Variants in CCDC7 observed in about 807,000 individuals in gnomAD.
The protein encoded by CCDC7 is coiled-coil domain-containing protein 7.
Under a neutral mutation model 196.9 loss-of-function variants are expected in CCDC7, and 183 were observed. The ratio of observed to expected loss-of-function variants is 0.93; its 90% CI spans 0.82 to 1.05. The LOEUF is 1.05. Ranked by LOEUF, CCDC7 falls within the 50% of genes least tolerant of loss-of-function variation. CCDC7 has a pLI of 0.00. For missense variants in CCDC7, 1,540 were observed against 1,482.2 expected (o/e 1.04, Z -0.64); for synonymous variants, 525 against 484.6 (o/e 1.08, Z -1.10).
At chr10:32,636,975 G>A (rs1478566891) in intron 20 of CCDC7, among the ~76,000 whole-genome samples, 1 of 152,074 alleles carries the variant, frequency 6.6e-6, no homozygotes, top group African/African-American at 2.4e-5. Flanking sequence ...TTCTCTGATG[G>A]CCAGTGATGA....
intron 9 of CCDC7, chr10:32,514,417 T>C (rs958012501): frequency 1.3e-5 from 2 of 152,198 alleles, no homozygotes; most frequent in African/African-American, 4.8e-5. Flanking sequence ...AGACAGAGAC[T>C]GGATTTATTC....
intron 9 of CCDC7, chr10:32,511,636 C>A: frequency 6.3e-7 from 1 of 1,580,530 alleles, no homozygotes; most frequent in Non-Finnish European, 8.7e-7. Flanking sequence ...AAACAGACAT[C>A]GTGGTCTTCA....
At chr10:32,557,121 A>T (rs955553332) in intron 13 of CCDC7, among the ~76,000 whole-genome samples, 1 of 152,188 alleles carries the variant, frequency 6.6e-6, no homozygotes, top group African/African-American at 2.4e-5. Flanking sequence ...TTGTTTCTTA[A>T]AATAACTTTG....
At chr10:32,597,380 T>G (rs1039475898) in intron 18 of CCDC7, among the ~76,000 whole-genome samples, 1 of 152,234 alleles carries the variant, frequency 6.6e-6, no homozygotes, top group Non-Finnish European at 1.5e-5. Flanking sequence ...TCAAGTCATT[T>G]AAGGACTTCT....
intron 21 of CCDC7, among the ~76,000 whole-genome samples, chr10:32,672,064 G>T (rs531925890): frequency 6.6e-6 from 1 of 152,242 alleles, no homozygotes; most frequent in East Asian, 1.9e-4. Context: ...TTGATTAGTG[G>T]TGCCAATGGA....
At chr10:32,654,485 ATTTG>A (rs1247088982) in intron 20 of CCDC7, among the ~76,000 whole-genome samples, 8 of 152,008 alleles carry the variant, frequency 5.3e-5, no homozygotes, top group Non-Finnish European at 1.0e-4. Flanking sequence ...TGTTTTTGTT[ATTTG>A]TTTGATTAGT....
intron 9 of CCDC7, among the ~76,000 whole-genome samples, chr10:32,495,276 G>T (rs2042740468): frequency 6.6e-6 from 1 of 152,154 alleles, no homozygotes; most frequent in Non-Finnish European, 1.5e-5. Flanking sequence ...ATTCTTTGTA[G>T]ATTCTGGATA....
At chr10:32,799,964 A>T (rs1007310508) in intron 29 of CCDC7, among the ~76,000 whole-genome samples, 3 of 152,232 alleles carry the variant, frequency 2.0e-5, no homozygotes, top group African/African-American at 7.2e-5. Flanking sequence ...GGTGGGCCTT[A>T]TGGACAGGAA....
At chr10:32,717,295 G>T (rs942224614) in intron 25 of CCDC7, among the ~76,000 whole-genome samples, 2 of 152,102 alleles carry the variant, frequency 1.3e-5, no homozygotes, top group Non-Finnish European at 2.9e-5. Flanking sequence ...GGTAAATAAC[G>T]AAATGAAGGC....
intron 20 of CCDC7, among the ~76,000 whole-genome samples, chr10:32,658,178 G>T (rs1055811471): frequency 2.0e-5 from 3 of 152,156 alleles, no homozygotes; most frequent in Admixed American, 2.0e-4. Context: ...TAGTTCCAAA[G>T]TTGCTTCTAC....
At chr10:32,720,209 G>A (rs2082201407) in intron 25 of CCDC7, among the ~76,000 whole-genome samples, 1 of 152,128 alleles carries the variant, frequency 6.6e-6, no homozygotes, top group African/African-American at 2.4e-5. Flanking sequence ...ATACTATGCA[G>A]CCATAAAAAA....
chr10:32,872,564 A>G (rs2094466787), intron 41 of CCDC7, among the ~76,000 whole-genome samples: 2 of 151,938 alleles, frequency 1.3e-5, no homozygotes, highest in Non-Finnish European at 2.9e-5. Flanking sequence ...GTTATGTGTG[A>G]ATTTGATCCT....
At chr10:32,808,160 A>T (rs1456900200) in intron 30 of CCDC7, among the ~76,000 whole-genome samples, 1 of 151,894 alleles carries the variant, frequency 6.6e-6, no homozygotes, top group African/African-American at 2.4e-5. Context: ...GGATTTCCCC[A>T]CCCTGCCTGC....
At chr10:32,851,995 A>G (rs558621015) in intron 40 of CCDC7, 63 bp downstream of exon 41, 7 of 1,483,038 alleles carry the variant, frequency 4.7e-6, no homozygotes. Flanking sequence ...CTAAATGTAA[A>G]TAACCAAGTT....
chr10:32,857,278 T>C, intron 41 of CCDC7, among the ~76,000 whole-genome samples: 1 of 152,096 alleles, frequency 6.6e-6, no homozygotes, highest in Non-Finnish European at 1.5e-5. Context: ...TAGAACTTAA[T>C]TAAACTAAAG....
intron 22 of CCDC7, among the ~76,000 whole-genome samples, chr10:32,882,408 A>G (rs2094824534): frequency 6.6e-6 from 1 of 152,192 alleles, no homozygotes; most frequent in Non-Finnish European, 1.5e-5. Flanking sequence ...CAGGCCAAGG[A>G]TGAGGCCTAG....
At chr10:32,691,663 A>C (rs1405614926) in intron 23 of CCDC7, among the ~76,000 whole-genome samples, 2 of 152,236 alleles carry the variant, frequency 1.3e-5, no homozygotes, top group African/African-American at 4.8e-5. Flanking sequence ...TCTTAGAGAC[A>C]GCGGAATGGC....
At chr10:32,868,615 C>T (rs186022604) in intron 41 of CCDC7, among the ~76,000 whole-genome samples, 4 of 152,068 alleles carry the variant, frequency 2.6e-5, no homozygotes, top group Admixed American at 6.6e-5. Flanking sequence ...ATGTGCACAA[C>T]GTGCAGGTTA....
chr10:32,663,999 C>T, intron 20 of CCDC7, 55 bp from the exon 22 acceptor site: 2 of 390,448 alleles, frequency 5.1e-6, no homozygotes, highest in Non-Finnish European at 9.1e-6. Flanking sequence ...AATCTGAAAT[C>T]TAGAAATTTC....
Sources: gnomAD v4.1 joint callset for allele counts (sites outside exome capture counted in the v4.1 genomes callset) on GRCh38, gnomAD v4.1.1 for gene constraint, MANE v1.5 for transcripts, NCBI Gene and HGNC (gene_info 2026-07-23, HGNC 2026-07-21) for gene names.